Variants in PTPRG observed in about 807,000 individuals in gnomAD.
PTPRG encodes the protein receptor-type tyrosine-protein phosphatase gamma.
Under a neutral mutation model 165.3 loss-of-function variants are expected in PTPRG, and 102 were observed. That is an observed-to-expected ratio of 0.62 (90% CI 0.53 to 0.73). The LOEUF is 0.73. Among genes scored for constraint, PTPRG ranks in the 30% least tolerant of loss-of-function variants. The pLI, the probability that PTPRG is intolerant of heterozygous loss-of-function variation, is 0.00. For synonymous variants in PTPRG, 675 were observed against 669.5 expected (o/e 1.01, Z -0.13); for missense variants, 1,866 against 1,861.4 (o/e 1.00, Z -0.05).
At position 62,294,872 on chromosome 3, in the gene PTPRG, T is replaced by C. The variant is rs571282617; in HGVS notation, c.*1565T>C. 1 of 152,222 alleles carries C rather than the reference T, an allele frequency of 6.6e-6. No homozygotes were observed. The highest frequency in any genetic ancestry group is 2.1e-4 in the South Asian group (1 of 4,826). 9.4% of individuals were successfully genotyped at this position (152,222 alleles called of 1,614,324 possible). A position where few individuals can be genotyped will look rare whatever the true frequency, so the allele number is the denominator to read the frequency against. ...TGCTGTCATGCCATCTGGGTATGCATTAAACATTAATGATGATCAGCACTG... is the reference window on the plus strand; with the variant it reads ...TGCTGTCATGCCATCTGGGTATGCACTAAACATTAATGATGATCAGCACTG... On this transcript the variant is annotated 3_prime_UTR_variant, in exon 30 of 30. Coordinates refer to ENST00000474889, the MANE Select transcript of PTPRG (RefSeq NM_002841.4).
At chr3:61,723,708 G>C (rs1280080795) in intron 1 of PTPRG, among the ~76,000 whole-genome samples, 1 of 152,106 alleles carries the variant, frequency 6.6e-6, no homozygotes, top group Non-Finnish European at 1.5e-5. Context: ...CAGGATTACA[G>C]TACAATATCA....
chr3:62,115,793 T>C lies in PTPRG; in HGVS notation c.616-16809T>C, dbSNP rs558377370. 3.4e-3 allele frequency among the ~76,000 whole-genome samples: 525 copies of C among 152,218 alleles called. 2 individuals are homozygous for C. Among genetic ancestry groups the C allele is most frequent in the Non-Finnish European group, 6.3e-3 (427 of 68,016 alleles). On this transcript the variant is annotated intron_variant, in intron 5 of 29. Transcript: ENST00000474889. The stretch of plus-strand genomic sequence containing the variant: ...CTCAAGGGATCCACCTGCCTTGGCC[T>C]CCCAAAGTGCTAGGATTACAGGTGT...
rs1700822410 is a variant in PTPRG, at chr3:62,228,635, C to A, written c.2289-2590C>A. Among the ~76,000 whole-genome samples, 1 of 152,140 alleles carries A rather than the reference C, an allele frequency of 6.6e-6. No individual in the cohort carries two copies. The highest frequency in any genetic ancestry group is 6.5e-5 in the Admixed American group (1 of 15,280). On this transcript the variant is annotated intron_variant, in intron 13 of 29. Coordinates refer to ENST00000474889, the MANE Select transcript of PTPRG (RefSeq NM_002841.4). The surrounding 1 kb of genome is among the most constrained non-coding windows in gnomAD (Gnocchi z 4.1). The stretch of plus-strand genomic sequence containing the variant: ...ATGGCACATTCATTATTTCTTAGGG[C>A]AAACTCTGCCAAACTGCCCTTCCTT...
chr3:62,284,789 G>T (rs183492688), intron 28 of PTPRG, among the ~76,000 whole-genome samples: 1 of 152,210 alleles, frequency 6.6e-6, no homozygotes, highest in African/African-American at 2.4e-5. Context: ...CTCCAAGTCT[G>T]ATTGGCCACC....
intron 5 of PTPRG, among the ~76,000 whole-genome samples, chr3:62,079,556 G>C (rs147423051): frequency 6.6e-6 from 1 of 152,162 alleles, no homozygotes; most frequent in African/African-American, 2.4e-5. Flanking sequence ...GTGTATGCTG[G>C]GTCATGATAT....
intron 2 of PTPRG, among the ~76,000 whole-genome samples, chr3:61,795,047 A>G (rs145989591): frequency 6.8e-4 from 104 of 152,280 alleles, no homozygotes; most frequent in Admixed American, 1.1e-3. Context: ...CATACTTAAT[A>G]TATTCCTGAC....
chr3:61,639,706 G>C (rs1438572278), intron 1 of PTPRG, among the ~76,000 whole-genome samples: 1 of 152,078 alleles, frequency 6.6e-6, no homozygotes, highest in Non-Finnish European at 1.5e-5. Flanking sequence ...TTGGCTGTCA[G>C]CTTGAACATT....
rs570881507 is a variant in PTPRG, at chr3:62,290,967, G to A, written c.4056-1454G>A. On this transcript the variant is annotated intron_variant, in intron 28 of 29. Coordinates refer to ENST00000474889, the MANE Select transcript of PTPRG (RefSeq NM_002841.4). ...ACAAAATGACCACAAACAATGTTAA[G>A]AGAAACAGATCGGGGGGCAAAAAAA... is the stretch of plus-strand genomic sequence containing the variant. Among the ~76,000 whole-genome samples the A allele has an allele frequency of 3.3e-5, 5 of 152,102 alleles. No individual in the cohort carries two copies. The East Asian group carries it at 9.7e-4, about 29-fold the overall frequency.
chr3:61,643,776 A>C (rs987356330), intron 1 of PTPRG, among the ~76,000 whole-genome samples: 1 of 152,002 alleles, frequency 6.6e-6, no homozygotes, highest in Non-Finnish European at 1.5e-5. Flanking sequence ...AAAAAAAAAC[A>C]AAAAAGCACC....
intron 4 of PTPRG, among the ~76,000 whole-genome samples, chr3:62,022,522 G>A (rs556992226): frequency 2.3e-4 from 35 of 152,238 alleles, no homozygotes; most frequent in Admixed American, 6.5e-4. Flanking sequence ...AGTAGATTAC[G>A]GTGTGAACGA....
At chr3:61,804,732 A>C (rs2035361000) in intron 2 of PTPRG, among the ~76,000 whole-genome samples, 1 of 151,760 alleles carries the variant, frequency 6.6e-6, no homozygotes, top group Admixed American at 6.6e-5. Flanking sequence ...GATAAAGAAG[A>C]TGTTATAAAC....
chr3:62,117,152 A>C (rs529972616), intron 5 of PTPRG, among the ~76,000 whole-genome samples: 3 of 152,196 alleles, frequency 2.0e-5, no homozygotes, highest in Non-Finnish European at 4.4e-5. Flanking sequence ...CAAACGGACC[A>C]TCTTTAGTCA....
At chr3:61,809,559 A>G (rs1440242017) in intron 2 of PTPRG, among the ~76,000 whole-genome samples, 1 of 152,128 alleles carries the variant, frequency 6.6e-6, no homozygotes, top group Non-Finnish European at 1.5e-5. Context: ...TTGAGTTCTG[A>G]TCCTGTTAAT....
At chr3:61,595,607 CATT>C (rs1289530093) in intron 1 of PTPRG, among the ~76,000 whole-genome samples, 1 of 152,188 alleles carries the variant, frequency 6.6e-6, no homozygotes, top group African/African-American at 2.4e-5. Context: ...ATTGAAAAGA[CATT>C]ATATTCATAG....
chr3:62,047,875 G>C (rs1016171006), intron 4 of PTPRG, among the ~76,000 whole-genome samples: 6 of 151,960 alleles, frequency 3.9e-5, no homozygotes, highest in Non-Finnish European at 8.8e-5. Flanking sequence ...CAGATTTCAG[G>C]TTTACATTTA....
At chr3:61,627,328 CAT>C (rs917357233) in intron 1 of PTPRG, among the ~76,000 whole-genome samples, 21 of 152,186 alleles carry the variant, frequency 1.4e-4, no homozygotes, top group African/African-American at 4.8e-4. Context: ...GGTAAAAAAA[CAT>C]AAAATTTGCC....
At chr3:62,194,007 G>A (rs1009524425) in intron 9 of PTPRG, among the ~76,000 whole-genome samples, 4 of 152,192 alleles carry the variant, frequency 2.6e-5, no homozygotes, top group African/African-American at 9.7e-5. Context: ...GAAACTGTGA[G>A]GAAGAGGGAC....
intron 2 of PTPRG, among the ~76,000 whole-genome samples, chr3:61,779,673 AG>A (rs1366279089): frequency 5.9e-5 from 9 of 152,024 alleles, no homozygotes; most frequent in Non-Finnish European, 1.3e-4. Flanking sequence ...TTCATATTTT[AG>A]CTCTTGTTTA....
At chr3:62,277,154 G>C in intron 25 of PTPRG, 106 bp downstream of exon 25, 1 of 857,544 alleles carries the variant, frequency 1.2e-6, no homozygotes, top group African/African-American at 1.7e-5. Context: ...ATTTCTCAAT[G>C]TGTAATATGA....
Sources: allele counts gnomAD v4.1 joint callset (sites outside exome capture counted in the v4.1 genomes callset), GRCh38; gene constraint gnomAD v4.1.1; non-coding constraint Gnocchi (gnomAD v3.1); transcripts MANE v1.5; gene names NCBI Gene and HGNC (gene_info 2026-07-23, HGNC 2026-07-21).